Variants in LRRC71 observed in about 807,000 individuals in gnomAD.
LRRC71 encodes the protein leucine rich repeat containing 71, also known as leucine-rich repeat-containing protein 71.
A neutral mutation model predicts 66.6 loss-of-function variants in LRRC71; 54 were observed. That is an observed-to-expected ratio of 0.81 (90% CI 0.65 to 1.02). LRRC71 has a LOEUF of 1.02. Among genes scored for constraint, LRRC71 ranks in the 50% least tolerant of loss-of-function variants. The probability of loss-of-function intolerance (pLI) is 0.00; values close to 1 mark genes in which losing one functional copy is unlikely to be tolerated. For missense variants in LRRC71, 724 were observed against 718.0 expected, an observed-to-expected ratio of 1.01 and a Z score of -0.10; for synonymous variants, 323 against 303.9, an observed-to-expected ratio of 1.06 and a Z score of -0.65.
chr1:156,931,053 C>G (rs186347947), intron 12 of LRRC71, among the ~76,000 whole-genome samples: 1 of 152,202 alleles, frequency 6.6e-6, no homozygotes, highest in Non-Finnish European at 1.5e-5. Flanking sequence ...GGTCATGGCA[C>G]TGCCCCACGC....
downstream of LRRC71, chr1:156,937,112 G>A: frequency 1.3e-6 from 2 of 1,564,756 alleles, no homozygotes; most frequent in Non-Finnish European, 1.7e-6. Context: ...TTTAAGGGTG[G>A]CTGGGCGGGC....
At chr1:156,921,758 CACACAG>C (rs1344178856) in intron 1 of LRRC71, 1 of 492,186 alleles carries the variant, frequency 2.0e-6, no homozygotes, top group African/African-American at 2.2e-5. Flanking sequence ...CACACACACA[CACACAG>C]ACATGGCTGC....
rs1206573639 is a variant in LRRC71, at chr1:156,924,049, C to T, written c.261C>T (p.Pro87=). The part of the protein sequence containing the change: ...DFPKVVNRPR[P]HPPFVPSASL... ...CCAAAGTTGTCAACCGGCCCCGCCCCCACCCGCCCTTCGTCCCCTCCGCCT... is the reference window on the plus strand; with the variant it reads ...CCAAAGTTGTCAACCGGCCCCGCCCTCACCCGCCCTTCGTCCCCTCCGCCT... Residue 87 remains proline (P), a synonymous_variant, in exon 2 of 15, where the codon CCC becomes CCT. Transcript: ENST00000337428. The T allele has an allele frequency of 1.3e-6, 2 of 1,548,740 alleles. No homozygotes were observed. Among genetic ancestry groups the T allele is most frequent in the Non-Finnish European group, 8.7e-7 (1 of 1,146,150 alleles).
At chr1:156,940,485 C>A in the LRRC71 span, 3 of 1,481,080 alleles carry the variant, frequency 2.0e-6, no homozygotes, top group African/African-American at 2.8e-5. Flanking sequence ...TATGGGAGAG[C>A]CTATGGGCAG....
intron 9 of LRRC71, among the ~76,000 whole-genome samples, chr1:156,928,363 C>CTCTTCTTCCTCT (rs1653597094): frequency 1.0e-5 from 1 of 98,784 alleles, no homozygotes; most frequent in Admixed American, 1.1e-4. Flanking sequence ...CTTCTTCTTC[C>CTCTTCTTCCTCT]TCTTCTTCTT....
intron 6 of LRRC71, 29 bp from the exon 7 acceptor site, chr1:156,927,467 G>A: frequency 6.6e-7 from 1 of 1,519,190 alleles, no homozygotes; most frequent in Non-Finnish European, 8.8e-7. Context: ...CTTTTCCAGC[G>A]ACCCACATTC....
intron 5 of LRRC71, 51 bp downstream of exon 5, chr1:156,925,066 G>T: frequency 2.6e-6 from 4 of 1,523,010 alleles, no homozygotes; most frequent in East Asian, 2.5e-5. Context: ...CTGGGCGGGT[G>T]GTCAGAGGGG....
In LRRC71 at chr1:156,929,317, G is replaced by A. The variant is rs779280609; in HGVS notation, c.1034G>A (p.Arg345His). 11 of 1,611,154 alleles carry A rather than the reference G, an allele frequency of 6.8e-6. No homozygotes were observed. The highest frequency in any genetic ancestry group is 4.0e-5 in the African/African-American group (3 of 74,884). ...CGACACGGGGACTCCAAAACGGACC[G>A]TGAGAAGAGTCAGATGGTAGGGATC... Reference protein sequence around the residue: ...SSRHGDSKTDREKSQMVGISN... With the variant: ...SSRHGDSKTDHEKSQMVGISN... Residue 345 changes from arginine to histidine, a missense_variant, in exon 10 of 15, where the codon CGT (arginine) becomes CAT (histidine). Transcript: ENST00000337428.
downstream of LRRC71, among the ~76,000 whole-genome samples, chr1:156,936,497 A>AAAAAAAAATAAAAAAAAATATAT (rs370282821): frequency 5.6e-4 from 19 of 33,938 alleles, no homozygotes; most frequent in African/African-American, 2.8e-3. Context: ...AAAAAAAAAA[A>AAAAAAAAATAAAAAAAAATATAT]ATATATATAT....
chr1:156,930,032 T>TTC (rs1187267457), intron 11 of LRRC71, among the ~76,000 whole-genome samples: 4 of 120,016 alleles, frequency 3.3e-5, no homozygotes, highest in Admixed American at 1.6e-4. Flanking sequence ...TTTCTTTTCT[T>TTC]TTTCTTTCTT....
intron 6 of LRRC71, 98 bp from the exon 7 acceptor site, chr1:156,927,398 C>T: frequency 6.6e-7 from 1 of 1,512,408 alleles, no homozygotes; most frequent in Non-Finnish European, 8.9e-7. Context: ...CCTACATCCT[C>T]AGACCAGACC....
At chr1:156,931,605 T>C (rs1654376314) in intron 12 of LRRC71, among the ~76,000 whole-genome samples, 1 of 152,150 alleles carries the variant, frequency 6.6e-6, no homozygotes. Context: ...ACCTTTCCCG[T>C]CTTCATCTGA....
intron 6 of LRRC71, 24 bp downstream of exon 6, chr1:156,927,294 C>T: frequency 6.2e-7 from 1 of 1,609,422 alleles, no homozygotes; most frequent in Non-Finnish European, 8.5e-7. Context: ...CCCTCACCCC[C>T]TTTCTCTGGG....
chr1:156,932,680 TCA>T lies in LRRC71; in HGVS notation c.1563+138_1563+139del, dbSNP rs2101666655. 1.9e-6 allele frequency: 3 copies of T among 1,589,260 alleles called. No individual in the cohort carries two copies. The East Asian group carries it at 6.7e-5, about 36-fold the overall frequency. The stretch of plus-strand genomic sequence containing the variant: ...TAGTTTCTCTGCTTCTTTTTAATAA[TCA>T]CAACATAACCTCCATTCCTCTTGCT... On this transcript the variant is annotated intron_variant, in intron 14 of 14. Coordinates refer to ENST00000337428, the MANE Select transcript of LRRC71 (RefSeq NM_144702.3).
intron 13 of LRRC71, 60 bp from the exon 14 acceptor site, chr1:156,932,364 G>T (rs1026764427): frequency 1.5e-6 from 2 of 1,357,548 alleles, no homozygotes; most frequent in Non-Finnish European, 2.1e-6. Context: ...GATGTCTGGT[G>T]TGTCAGGTGC....
chr1:156,927,213 T>A lies in LRRC71; in HGVS notation c.605T>A (p.Leu202Gln), dbSNP rs1653334181. Residue 202 changes from leucine (L) to glutamine (Q), a missense_variant, in exon 6 of 15, where the codon CTG (leucine) becomes CAG (glutamine). Transcript: ENST00000337428. Reference sequence around the variant, plus strand: ...TCCCCTGCCCTCAGGAAGGTGTCTCTGGAGGGGAACCCACTGCCGGAGCAG... The same window carrying A: ...TCCCCTGCCCTCAGGAAGGTGTCTCAGGAGGGGAACCCACTGCCGGAGCAG... ...LCSSTLRKVSLEGNPLPEQSY... is the reference protein window; with the variant it reads ...LCSSTLRKVSQEGNPLPEQSY... 1 of 1,613,130 alleles carries A rather than the reference T, an allele frequency of 6.2e-7. No homozygotes were observed.
At chr1:156,939,665 G>A in the LRRC71 span, 25 of 1,613,916 alleles carry the variant, frequency 1.5e-5, no homozygotes, top group Non-Finnish European at 2.1e-5. Context: ...GGGGGTAGGT[G>A]TTCCAGAGAA....
chr1:156,935,984 TTGG>T (rs757801005), downstream of LRRC71: 9 of 1,608,978 alleles, frequency 5.6e-6, no homozygotes, highest in South Asian at 1.1e-5. Flanking sequence ...CGCAGAGGAT[TTGG>T]TGGTTTGTAC....
the LRRC71 span, chr1:156,938,399 C>T: frequency 3.1e-6 from 5 of 1,609,940 alleles, no homozygotes; most frequent in Non-Finnish European, 4.2e-6. Context: ...GTCTTTAGCT[C>T]CAAGGAGAAA....
Sources: allele counts gnomAD v4.1 joint callset (sites outside exome capture counted in the v4.1 genomes callset), GRCh38; gene constraint gnomAD v4.1.1; transcripts MANE v1.5; gene names NCBI Gene and HGNC (gene_info 2026-07-23, HGNC 2026-07-21).